Variants in ZNF3 observed in about 807,000 individuals in gnomAD.
ZNF3 encodes the protein zinc finger protein 3, also known as C2-H2 type zinc finger protein.
Under a neutral mutation model 36.9 loss-of-function variants are expected in ZNF3, and 16 were observed. The observed-to-expected ratio is 0.43, with a 90% confidence interval of 0.29 to 0.66. The LOEUF (loss-of-function observed/expected upper bound fraction) is 0.66. Among genes scored for constraint, ZNF3 ranks in the 30% least tolerant of loss-of-function variants. The pLI is 0.13. For synonymous variants in ZNF3, 201 were observed against 201.9 expected, an observed-to-expected ratio of 1.00 and a Z score of 0.04; for missense variants, 462 against 543.1, an observed-to-expected ratio of 0.85 and a Z score of 1.48.
exon 6 of ZNF3, chr7:100,064,127 G>A (rs767854371): frequency 6.2e-7 from 1 of 1,614,132 alleles, no homozygotes; most frequent in Non-Finnish European, 8.5e-7. Context: ...ACCAAGTGTG[G>A]GAAAGCTTTC....
In ZNF3 at chr7:100,072,206, T is replaced by C; in HGVS notation, c.278A>G (p.Glu93Gly). ...NYGNVFSLDR[E>G]TRTENDQEIS... ...TTCTTGATCATTTTCAGTCCTGGTC[T>C]CACGATCTGACACAATAAAAAATGC... Residue 93 changes from glutamate (E) to glycine (G), a missense_variant, in exon 6 of 6, where the codon GAG (glutamate) becomes GGG (glycine). Transcript: ENST00000299667. The C allele has an allele frequency of 1.3e-6, 2 of 1,580,226 alleles. No individual in the cohort carries two copies. Among genetic ancestry groups the C allele is most frequent in the Non-Finnish European group, 1.7e-6 (2 of 1,168,194 alleles).
At chr7:100,064,327 C>T (rs1208416067) in exon 6 of ZNF3, 1 of 1,613,864 alleles carries the variant, frequency 6.2e-7, no homozygotes, top group Admixed American at 1.7e-5. Flanking sequence ...CCTCATTCGT[C>T]ACTATCGGAT....
rs1792964094 is a variant in ZNF3 at position 100,070,504 on chromosome 7, TGCTGGCA to T, written c.*632_*638del. 1.0e-6 allele frequency: 1 copy of T among 985,664 alleles called. No individual in the cohort carries two copies. The allele number at this position is 985,664 out of a possible 1,614,324, so 61.1% of individuals were successfully genotyped here. On this transcript the variant is annotated 3_prime_UTR_variant, in exon 6 of 6. Transcript: ENST00000299667. ...CAACTGGGGGGGATGGCAGGGGGTC[TGCTGGCA>T]ATATCACCAGGTTTCTCTTGGAAAC...
chr7:100,071,202 C>T lies in ZNF3; in HGVS notation c.1282G>A (p.Gly428Ser), dbSNP rs1236837446. The change falls in exon 6 of 6, where the codon GGC becomes AGC. Residue 428 changes from glycine (G) to serine (S), a missense_variant. Gly to Ser is a moderately conservative substitution (Grantham distance 56). Coordinates refer to ENST00000299667, the MANE Select transcript of ZNF3 (RefSeq NM_032924.5). ...ACTCTGAGGGAGCTTTTGCTCATGC[C>T]GATCCCATTCAAAGGCTTCTCTCCA... ...HTGEKPLNGI[G>S]MSKSSLRVTT... The T allele has an allele frequency of 6.2e-6, 10 of 1,613,528 alleles. No homozygotes were observed. Among genetic ancestry groups the T allele is most frequent in the South Asian group, 2.2e-5 (2 of 91,010 alleles).
At position 100,075,319 on chromosome 7, in the gene ZNF3, A is replaced by G. The variant is rs1017883613; in HGVS notation, c.145-58T>C. 8 of 1,602,878 alleles carry G rather than the reference A, an allele frequency of 5.0e-6. No individual in the cohort carries two copies. The Admixed American group carries it at 6.7e-5, about 13-fold the overall frequency. ...GGTGAGGAATGTGAATGGCGGCACCAAAAAAATCACTGAGGATGGGGTGAA... is the reference window on the plus strand; with the variant it reads ...GGTGAGGAATGTGAATGGCGGCACCGAAAAAATCACTGAGGATGGGGTGAA... On this transcript the variant is annotated intron_variant, in intron 4 of 5. Transcript: ENST00000299667.
chr7:100,080,786 A>G (rs1407682775), intron 1 of ZNF3, among the ~76,000 whole-genome samples: 1 of 152,166 alleles, frequency 6.6e-6, no homozygotes, highest in Non-Finnish European at 1.5e-5. Context: ...CACTCCAGAG[A>G]CAGTCTCAAA....
At chr7:100,074,660 T>C (rs955231724) in intron 5 of ZNF3, among the ~76,000 whole-genome samples, 2 of 152,164 alleles carry the variant, frequency 1.3e-5, no homozygotes, top group African/African-American at 2.4e-5. Context: ...AAAGAATATA[T>C]ATGAGAACTC....
At chr7:100,064,421 T>G (rs1792524238) in exon 6 of ZNF3, 1 of 1,612,718 alleles carries the variant, frequency 6.2e-7, no homozygotes, top group South Asian at 1.1e-5. Context: ...CACCAGAGAC[T>G]CCACACCGGA....
At chr7:100,064,403 TCAGCTCC>T in exon 6 of ZNF3, 1 of 1,604,154 alleles carries the variant, frequency 6.2e-7, no homozygotes, top group Non-Finnish European at 8.5e-7. Flanking sequence ...CATGCGGGCC[TCAGCTCC>T]CACCAGAGAC....
At chr7:100,072,417 G>A (rs572516117) in intron 5 of ZNF3, among the ~76,000 whole-genome samples, 2 of 152,304 alleles carry the variant, frequency 1.3e-5, no homozygotes, top group South Asian at 4.1e-4. Flanking sequence ...AAACCAAGGA[G>A]AACAGAGCTG....
intron 1 of ZNF3, among the ~76,000 whole-genome samples, chr7:100,080,352 C>A (rs911186702): frequency 6.6e-6 from 1 of 152,124 alleles, no homozygotes; most frequent in Non-Finnish European, 1.5e-5. Flanking sequence ...TGACTGGCGA[C>A]CTGCAGTGGC....
chr7:100,075,711 AG>A, intron 3 of ZNF3, 81 bp from the exon 4 acceptor site: 1 of 1,390,734 alleles, frequency 7.2e-7, no homozygotes, highest in Non-Finnish European at 1.0e-6. Context: ...ACCCACAGAA[AG>A]CTCCCGGGGT....
Position 100,077,385 on chromosome 7 carries a change from T to G in ZNF3, c.-28A>C, listed in dbSNP as rs763099408. On this transcript the variant is annotated 5_prime_UTR_variant, in exon 3 of 6. Transcript: ENST00000299667. ...AAGGGCAAGGTGCTCTCTGGTCTCC[T>G]GGGTGCAGACTCAGCGGGAAGCGGG... 1.9e-6 allele frequency: 3 copies of G among 1,613,336 alleles called. No individual in the cohort carries two copies. The highest frequency in any genetic ancestry group is 2.5e-6 in the Non-Finnish European group (3 of 1,179,914).
downstream of ZNF3, chr7:100,063,962 AG>A (rs763401187): frequency 6.2e-7 from 1 of 1,614,070 alleles, no homozygotes; most frequent in Non-Finnish European, 8.5e-7. Flanking sequence ...CCTCTTCAAG[AG>A]GCAGGCTCCA....
exon 6 of ZNF3, chr7:100,064,398 G>A (rs762709936): frequency 1.6e-5 from 25 of 1,609,742 alleles, no homozygotes; most frequent in South Asian, 1.4e-4. Flanking sequence ...GTCAGCATGC[G>A]GGCCTCAGCT....
At chr7:100,064,490 A>G (rs748707786) in exon 6 of ZNF3, 34 of 1,613,902 alleles carry the variant, frequency 2.1e-5, no homozygotes, top group South Asian at 2.1e-4. Context: ...TCCAACTTCA[A>G]TAAACACCAC....
intron 2 of ZNF3, 116 bp downstream of exon 2, chr7:100,079,420 C>T: frequency 6.6e-6 from 1 of 152,342 alleles, no homozygotes; most frequent in Non-Finnish European, 1.5e-5. Context: ...GCCCCCATGG[C>T]TTCAGGTCCA....
Position 100,075,587 on chromosome 7 carries a change from C to G in ZNF3, c.99G>C (p.Leu33=), listed in dbSNP as rs1793958751. The G allele has an allele frequency of 6.2e-7, 1 of 1,614,040 alleles. No individual in the cohort carries two copies. Among genetic ancestry groups the G allele is most frequent in the Non-Finnish European group, 8.5e-7 (1 of 1,180,028 alleles). The change falls in exon 4 of 6, where the codon CTG becomes CTC. Residue 33 remains leucine (L), a synonymous_variant. Coordinates refer to ENST00000299667, the MANE Select transcript of ZNF3 (RefSeq NM_032924.5). ...GCGCAGCCGCCAACATCTCATCCCC[C>G]AGGCTGTCCTTGTCGGAAAAGGCAG... ...KVPAFSDKDS[L]GDEMLAAALL...
intron 5 of ZNF3, among the ~76,000 whole-genome samples, chr7:100,074,052 G>A (rs553914687): frequency 6.6e-6 from 1 of 152,120 alleles, no homozygotes; most frequent in East Asian, 2.0e-4. Flanking sequence ...CTACTCAGGA[G>A]GCTGTGGCAG....
Sources: gnomAD v4.1 joint callset for allele counts (sites outside exome capture counted in the v4.1 genomes callset) on GRCh38, gnomAD v4.1.1 for gene constraint, MANE v1.5 for transcripts, NCBI Gene and HGNC (gene_info 2026-07-23, HGNC 2026-07-21) for gene names.